Variants in EPHA3 observed in about 807,000 individuals in gnomAD.
EPHA3 encodes ephrin type-A receptor 3.
EPHA3 carries 42 observed loss-of-function variants against 107.1 expected under a neutral mutation model. The ratio of observed to expected loss-of-function variants is 0.39; its 90% CI spans 0.31 to 0.51. The LOEUF is 0.51. Ranked by LOEUF, EPHA3 falls within the 20% of genes least tolerant of loss-of-function variation. The pLI is 0.78. For missense variants in EPHA3, 1,183 were observed against 1,211.2 expected, an observed-to-expected ratio of 0.98 and a Z score of 0.35; for synonymous variants, 461 against 424.8, an observed-to-expected ratio of 1.09 and a Z score of -1.05.
At chr3:89,126,681 T>A (rs1333898927) in intron 1 of EPHA3, among the ~76,000 whole-genome samples, 2 of 151,644 alleles carry the variant, frequency 1.3e-5, no homozygotes, top group Non-Finnish European at 3.0e-5. Context: ...TATAAGTAAA[T>A]AATGAATACA....
At chr3:89,218,088 TG>T (rs1321823786) in intron 3 of EPHA3, among the ~76,000 whole-genome samples, 3 of 152,252 alleles carry the variant, frequency 2.0e-5, no homozygotes, top group African/African-American at 7.2e-5. Context: ...TGTATTGAAT[TG>T]GGGGGAAGGA....
chr3:89,324,650 A>G (rs967285344), intron 3 of EPHA3, among the ~76,000 whole-genome samples: 3 of 152,130 alleles, frequency 2.0e-5, no homozygotes, highest in East Asian at 1.9e-4. Context: ...TTACAAAAAC[A>G]TATCTATCAC....
chr3:89,413,066 A>G (rs754340225), intron 9 of EPHA3, 75 bp from the exon 10 acceptor site: 8 of 1,587,532 alleles, frequency 5.0e-6, no homozygotes, highest in Non-Finnish European at 6.9e-6. Flanking sequence ...TAAACCAATA[A>G]TGCCATAAAA....
At chr3:89,179,739 CT>C (rs1215368162) in intron 2 of EPHA3, among the ~76,000 whole-genome samples, 1 of 151,138 alleles carries the variant, frequency 6.6e-6, no homozygotes, top group Non-Finnish European at 1.5e-5. Context: ...TCGCTTTTTC[CT>C]ATTAACACAT....
intron 3 of EPHA3, among the ~76,000 whole-genome samples, chr3:89,268,728 C>A (rs1210155781): frequency 1.3e-5 from 2 of 151,906 alleles, no homozygotes; most frequent in East Asian, 3.9e-4. Context: ...TTAGCTATAG[C>A]AGTAAATCAG....
At chr3:89,161,763 T>C (rs1235045571) in intron 2 of EPHA3, among the ~76,000 whole-genome samples, 1 of 151,978 alleles carries the variant, frequency 6.6e-6, no homozygotes, top group African/African-American at 2.4e-5. Flanking sequence ...GAGTTGTTTA[T>C]CCCAGGAGTT....
At chr3:89,289,149 G>T (rs1320899998) in intron 3 of EPHA3, among the ~76,000 whole-genome samples, 1 of 152,096 alleles carries the variant, frequency 6.6e-6, no homozygotes, top group East Asian at 1.9e-4. Flanking sequence ...CATGCTCATG[G>T]TCACAGAGCT....
intron 3 of EPHA3, among the ~76,000 whole-genome samples, chr3:89,278,569 G>A (rs1489946130): frequency 6.6e-6 from 1 of 152,086 alleles, no homozygotes; most frequent in Non-Finnish European, 1.5e-5. Context: ...TTTACCTGGT[G>A]ATCTTGTGGA....
At chr3:89,467,101 G>C (rs1339030069) in intron 15 of EPHA3, among the ~76,000 whole-genome samples, 1 of 151,912 alleles carries the variant, frequency 6.6e-6, no homozygotes, top group Non-Finnish European at 1.5e-5. Context: ...TATCGTATCT[G>C]GATTTTTAAT....
chr3:89,149,152 A>T (rs1704635626), intron 2 of EPHA3, among the ~76,000 whole-genome samples: 1 of 151,992 alleles, frequency 6.6e-6, no homozygotes, highest in South Asian at 2.1e-4. Flanking sequence ...AAAGGATTTT[A>T]TAGAGTGCTG....
At chr3:89,426,568 T>A (rs867690803) in intron 11 of EPHA3, among the ~76,000 whole-genome samples, 7 of 151,818 alleles carry the variant, frequency 4.6e-5, no homozygotes, top group Non-Finnish European at 1.0e-4. Flanking sequence ...TTTGACTTAA[T>A]TGACTGGTTT....
intron 11 of EPHA3, among the ~76,000 whole-genome samples, chr3:89,428,192 C>T (rs1428473271): frequency 6.6e-6 from 1 of 151,908 alleles, no homozygotes; most frequent in Non-Finnish European, 1.5e-5. Flanking sequence ...ATTTTTCCCT[C>T]ATTATCAGTT....
intron 3 of EPHA3, among the ~76,000 whole-genome samples, chr3:89,262,438 G>T (rs914983761): frequency 1.9e-4 from 29 of 152,114 alleles, no homozygotes; most frequent in Non-Finnish European, 4.1e-4. Context: ...GCATTCCCTG[G>T]CTTGTAGCTA....
intron 3 of EPHA3, among the ~76,000 whole-genome samples, chr3:89,227,488 T>C (rs912452728): frequency 6.6e-6 from 1 of 151,998 alleles, no homozygotes; most frequent in African/African-American, 2.4e-5. Context: ...AAAGAACTTG[T>C]ACGTTACGAG....
intron 8 of EPHA3, 84 bp downstream of exon 8, chr3:89,407,455 G>A: frequency 9.2e-7 from 1 of 1,083,158 alleles, no homozygotes; most frequent in Non-Finnish European, 1.4e-6. Context: ...TGAAGAGTGT[G>A]CTCAATAAAA....
rs1709073743 is a variant in EPHA3, at chr3:89,407,296, A to G, written c.1622A>G (p.Gln541Arg). The change falls in exon 8 of 17, where the codon CAA becomes CGA. Residue 541 changes from glutamine (Q) to arginine (R), a missense_variant. Transcript: ENST00000336596. Reference protein sequence around the residue: ...DSFSISGESSQVVMIAISAAV... With the variant: ...DSFSISGESSRVVMIAISAAV... ...TTCTCCATCTCTGGTGAAAGTAGCC[A>G]AGTGGTCATGATCGCCATTTCAGCG... is the stretch of plus-strand genomic sequence containing the variant. 6.2e-7 allele frequency: 1 copy of G among 1,613,538 alleles called. No homozygotes were observed.
intron 1 of EPHA3, among the ~76,000 whole-genome samples, chr3:89,113,086 T>C (rs1366700001): frequency 6.6e-6 from 1 of 152,174 alleles, no homozygotes; most frequent in Non-Finnish European, 1.5e-5. Flanking sequence ...AGTACACAAG[T>C]AGCTTTCCAC....
At chr3:89,318,458 T>C (rs534880106) in intron 3 of EPHA3, among the ~76,000 whole-genome samples, 2 of 151,878 alleles carry the variant, frequency 1.3e-5, no homozygotes, top group Non-Finnish European at 2.9e-5. Context: ...TTCAAATTCT[T>C]TTCATTTCAG....
intron 5 of EPHA3, among the ~76,000 whole-genome samples, chr3:89,391,183 T>C (rs150909100): frequency 3.4e-4 from 52 of 152,182 alleles, no homozygotes; most frequent in Admixed American, 1.5e-3. Flanking sequence ...GAAGAAACAT[T>C]TGAAAGAAGA....
Sources: allele counts gnomAD v4.1 joint callset (sites outside exome capture counted in the v4.1 genomes callset), GRCh38; gene constraint gnomAD v4.1.1; transcripts MANE v1.5; gene names NCBI Gene and HGNC (gene_info 2026-07-23, HGNC 2026-07-21).